EBF2: variants seen among roughly 807,000 people sequenced by gnomAD.
EBF2 encodes transcription factor COE2.
In EBF2, 21 loss-of-function variants were observed where a neutral mutation model predicts 72.8. That is an observed-to-expected ratio of 0.29 (90% CI 0.20 to 0.42). The LOEUF (loss-of-function observed/expected upper bound fraction) is 0.42, where lower values mean the gene tolerates loss of function less well. Among genes scored for constraint, EBF2 ranks in the 10% least tolerant of loss-of-function variants. The pLI is 1.00. For synonymous variants in EBF2, 299 were observed against 274.2 expected, an observed-to-expected ratio of 1.09 and a Z score of -0.89; for missense variants, 637 against 731.2, an observed-to-expected ratio of 0.87 and a Z score of 1.49.
At chr8:26,008,731 T>C (rs1393715458) in intron 6 of EBF2, among the ~76,000 whole-genome samples, 2 of 73,432 alleles carry the variant, frequency 2.7e-5, no homozygotes, top group Non-Finnish European at 6.1e-5. Flanking sequence ...CTTTGTTTCC[T>C]TAGAAACCAA....
At chr8:25,912,478 A>ACACACG (rs1803144824) in intron 6 of EBF2, among the ~76,000 whole-genome samples, 1 of 141,826 alleles carries the variant, frequency 7.1e-6, no homozygotes, top group Admixed American at 7.6e-5. Context: ...ACACACACAC[A>ACACACG]CACACACACA....
intron 6 of EBF2, among the ~76,000 whole-genome samples, chr8:25,924,262 T>C (rs551853520): frequency 3.8e-4 from 58 of 152,316 alleles, no homozygotes; most frequent in African/African-American, 1.3e-3. Context: ...AAACACCTTT[T>C]AGAACTTTCT....
intron 6 of EBF2, among the ~76,000 whole-genome samples, chr8:26,001,973 A>C (rs1804734723): frequency 6.6e-6 from 1 of 152,200 alleles, no homozygotes; most frequent in South Asian, 2.1e-4. Context: ...ATAAAAAGGA[A>C]CTGAAATGCA....
intron 7 of EBF2, among the ~76,000 whole-genome samples, chr8:25,893,941 C>T (rs957532574): frequency 1.3e-5 from 2 of 152,144 alleles, no homozygotes; most frequent in African/African-American, 4.8e-5. Flanking sequence ...AGGGAATTAA[C>T]CTGAATTATG....
chr8:25,879,905 G>A (rs1040225771), intron 10 of EBF2, among the ~76,000 whole-genome samples: 8 of 152,152 alleles, frequency 5.3e-5, no homozygotes, highest in Non-Finnish European at 8.8e-5. Flanking sequence ...GGGAAAAAAA[G>A]GTGATCTTGT....
At chr8:25,949,078 A>G (rs1585205322) in intron 6 of EBF2, among the ~76,000 whole-genome samples, 1 of 151,884 alleles carries the variant, frequency 6.6e-6, no homozygotes, top group African/African-American at 2.4e-5. Flanking sequence ...AATGCCTACC[A>G]TATGCCAAGC....
intron 7 of EBF2, among the ~76,000 whole-genome samples, chr8:25,904,366 C>T (rs1803003241): frequency 6.6e-6 from 1 of 150,826 alleles, no homozygotes; most frequent in Non-Finnish European, 1.5e-5. Context: ...TTGAAAATAA[C>T]CTTGATGTAA....
At chr8:26,014,490 T>C (rs1431514930) in intron 6 of EBF2, among the ~76,000 whole-genome samples, 2 of 152,220 alleles carry the variant, frequency 1.3e-5, no homozygotes, top group Admixed American at 6.5e-5. Flanking sequence ...TGAATGTGAA[T>C]TTGCCTTTTC....
chr8:25,859,306 C>T (rs898636045), intron 13 of EBF2, among the ~76,000 whole-genome samples: 4 of 152,140 alleles, frequency 2.6e-5, no homozygotes, highest in East Asian at 1.9e-4. Flanking sequence ...CATCTTTTGG[C>T]GGGGCCTGGA....
Position 25,919,623 on chromosome 8 carries a change from CA to C in EBF2, c.552-11069del, listed in dbSNP as rs1041834146. Among the ~76,000 whole-genome samples the C allele has an allele frequency of 1.6e-4, 25 of 151,556 alleles. No homozygotes were observed. In the East Asian group the frequency reaches 3.1e-3, roughly 19 times the overall value. Reference sequence around the variant, plus strand: ...ATACACCTTCTCAATACCAGGCAGCCAAAAAAAAATTTTTTTTTAAACAAAG... The same window carrying C: ...ATACACCTTCTCAATACCAGGCAGCCAAAAAAAATTTTTTTTTAAACAAAG... On this transcript the variant is annotated intron_variant, in intron 6 of 15. Coordinates refer to ENST00000520164, the MANE Select transcript of EBF2 (RefSeq NM_022659.4).
At chr8:25,977,935 C>T (rs1334360694) in intron 6 of EBF2, among the ~76,000 whole-genome samples, 1 of 152,156 alleles carries the variant, frequency 6.6e-6, no homozygotes, top group Non-Finnish European at 1.5e-5. Flanking sequence ...ATTTTCCCCT[C>T]TAGCCTGACT....
chr8:25,860,786 G>C (rs543106286), intron 13 of EBF2, among the ~76,000 whole-genome samples: 2 of 152,076 alleles, frequency 1.3e-5, no homozygotes, highest in Admixed American at 6.6e-5. Flanking sequence ...CAAAGTGCAG[G>C]GATTACAGGT....
At position 25,862,796 on chromosome 8, in the gene EBF2, T is replaced by G. The variant is rs1802233981; in HGVS notation, c.1011A>C (p.Ala337=). 1.3e-6 allele frequency: 2 copies of G among 1,581,844 alleles called. No individual in the cohort carries two copies. Among genetic ancestry groups the G allele is most frequent in the African/African-American group, 2.7e-5 (2 of 74,010 alleles). Reference sequence around the variant, plus strand: ...CATAGTCTATGGTGGGTTCATTTAATGCTGAAAGAGAAAAGTCCTCTTTCT... The same window carrying G: ...CATAGTCTATGGTGGGTTCATTTAAGGCTGAAAGAGAAAAGTCCTCTTTCT... ...KGAPGRFIYT[A]LNEPTIDYGF... The change falls in exon 11 of 16, where the codon GCA becomes GCC. Residue 337 remains alanine, a splice_region_variant and synonymous_variant. Transcript: ENST00000520164.
chr8:25,858,277 A>G lies in EBF2; in HGVS notation c.1528+42T>C, dbSNP rs748663431. The G allele has an allele frequency of 1.4e-5, 23 of 1,610,420 alleles. No homozygotes were observed. The South Asian group carries it at 2.5e-4, about 18-fold the overall frequency. On this transcript the variant is annotated intron_variant, in intron 14 of 15. Transcript: ENST00000520164. ...AAAGGCCCAATAGTAAAACCCAGAG[A>G]CAAAAAAGCATGGAGAGCCAAGTGA...
intron 6 of EBF2, among the ~76,000 whole-genome samples, chr8:25,997,309 A>T (rs552959028): frequency 6.6e-6 from 1 of 152,302 alleles, no homozygotes; most frequent in East Asian, 1.9e-4. Context: ...TGTGGCTCAC[A>T]CTTGTAATCC....
At chr8:25,903,092 A>G (rs934933986) in intron 7 of EBF2, among the ~76,000 whole-genome samples, 5 of 151,522 alleles carry the variant, frequency 3.3e-5, no homozygotes, top group Non-Finnish European at 7.4e-5. Flanking sequence ...GCAGACATAT[A>G]TATTTATAGG....
Position 26,040,492 on chromosome 8 carries a change from G to T in EBF2, c.408+124C>A, listed in dbSNP as rs114953177. ...GCAGACAAGGTGCTGGGAGGGGGACGTGGAGGGGGCTGTGGAGTCTGACCC... is the reference window on the plus strand; with the variant it reads ...GCAGACAAGGTGCTGGGAGGGGGACTTGGAGGGGGCTGTGGAGTCTGACCC... On this transcript the variant is annotated intron_variant, in intron 4 of 15. Transcript: ENST00000520164. The T allele has an allele frequency of 1.6e-3, 1,350 of 844,424 alleles. 11 individuals carry two copies. In the African/African-American group the frequency reaches 0.021, roughly 13 times the overall value. 52.3% of individuals were successfully genotyped at this position (844,424 alleles called of 1,614,324 possible). A position where few individuals can be genotyped will look rare whatever the true frequency, so the allele number is the denominator to read the frequency against.
chr8:25,992,901 C>A (rs1188405010), intron 6 of EBF2, among the ~76,000 whole-genome samples: 46 of 144,576 alleles, frequency 3.2e-4, no homozygotes, highest in South Asian at 4.5e-4. Context: ...GGCCTTGTCT[C>A]AAAAAAAAAA....
At chr8:25,855,693 G>C (rs1336010136) in intron 14 of EBF2, among the ~76,000 whole-genome samples, 1 of 152,168 alleles carries the variant, frequency 6.6e-6, no homozygotes, top group Admixed American at 6.5e-5. Context: ...GACTTGGCTG[G>C]CTAGAAATAC....
Sources: allele counts gnomAD v4.1 joint callset (sites outside exome capture counted in the v4.1 genomes callset), GRCh38; gene constraint gnomAD v4.1.1; transcripts MANE v1.5; gene names NCBI Gene and HGNC (gene_info 2026-07-23, HGNC 2026-07-21).